Variants in INPP5A observed in about 807,000 individuals in gnomAD.
INPP5A encodes the protein 43 kDa inositol polyphosphate 5-phophatase.
Under a neutral mutation model 65.2 loss-of-function variants are expected in INPP5A, and 14 were observed. The observed-to-expected ratio is 0.21, with a 90% CI of 0.14 to 0.34. The LOEUF (loss-of-function observed/expected upper bound fraction) is 0.34, where lower values mean the gene tolerates loss of function less well. Among genes scored for constraint, INPP5A ranks in the 10% least tolerant of loss-of-function variants. The pLI, the probability that INPP5A is intolerant of heterozygous loss-of-function variation, is 1.00. For missense variants in INPP5A, 431 were observed against 545.6 expected (o/e 0.79, Z 2.09); for synonymous variants, 207 against 208.3 (o/e 0.99, Z 0.05).
At chr10:132,589,341 G>A (rs1306146053) in intron 1 of INPP5A, among the ~76,000 whole-genome samples, 1 of 152,246 alleles carries the variant, frequency 6.6e-6, no homozygotes, top group South Asian at 2.1e-4. Flanking sequence ...CTTGCTGTGC[G>A]GGTTCTTGAG....
At chr10:132,629,789 C>T (rs1293407332) in intron 2 of INPP5A, among the ~76,000 whole-genome samples, 13 of 152,100 alleles carry the variant, frequency 8.5e-5, no homozygotes, top group Admixed American at 7.9e-4. Context: ...GGAAGGCATC[C>T]ATGAGGGAGG....
Position 132,598,267 on chromosome 10 carries a change from T to C in INPP5A, c.76-9648T>C, listed in dbSNP as rs1049615731. 3.3e-5 allele frequency among the ~76,000 whole-genome samples: 5 copies of C among 152,236 alleles called. No individual in the cohort carries two copies. The South Asian group carries it at 8.3e-4, about 25-fold the overall frequency. ...TAAAATGGGTATAAAATTTTCCATC[T>C]TAACCATGTTTAAGGGTGCAATTCA... On this transcript the variant is annotated intron_variant, in intron 1 of 15. Coordinates refer to ENST00000368594, the MANE Select transcript of INPP5A (RefSeq NM_005539.5).
chr10:132,614,950 C>T (rs1590869707), intron 2 of INPP5A, among the ~76,000 whole-genome samples: 1 of 152,276 alleles, frequency 6.6e-6, no homozygotes, highest in East Asian at 1.9e-4. Flanking sequence ...GTGGAGCACA[C>T]GTCTGTGGCG....
intron 2 of INPP5A, among the ~76,000 whole-genome samples, chr10:132,624,180 G>A (rs941559828): frequency 6.7e-6 from 1 of 148,736 alleles, no homozygotes; most frequent in South Asian, 2.2e-4. Flanking sequence ...ACATGATGGC[G>A]CCTGTTTGCA....
At chr10:132,696,688 G>A (rs143002976) in intron 5 of INPP5A, among the ~76,000 whole-genome samples, 3 of 152,280 alleles carry the variant, frequency 2.0e-5, no homozygotes, top group East Asian at 3.9e-4. Flanking sequence ...TCTATTTCAC[G>A]TTCTGTCCAT....
At chr10:132,703,142 CT>C (rs1486387539) in intron 6 of INPP5A, among the ~76,000 whole-genome samples, 1 of 152,158 alleles carries the variant, frequency 6.6e-6, no homozygotes, top group Non-Finnish European at 1.5e-5. Context: ...GCGGTCACCC[CT>C]GTGACTTGGT....
At chr10:132,683,419 C>T (rs1366375724) in intron 4 of INPP5A, among the ~76,000 whole-genome samples, 2 of 152,228 alleles carry the variant, frequency 1.3e-5, no homozygotes, top group Non-Finnish European at 2.9e-5. Context: ...GTGGAGGGCA[C>T]GTGTCTGCGG....
rs1304211009 is a variant in INPP5A at position 132,635,293 on chromosome 10, C to T, written c.118-10575C>T. ...TTCTGTTTGTACACTGGTTTTTGTA[C>T]CCTTTTCCCCTCATTCCTGCTGTCT... On this transcript the variant is annotated intron_variant, in intron 2 of 15. Coordinates refer to ENST00000368594, the MANE Select transcript of INPP5A (RefSeq NM_005539.5). Among the ~76,000 whole-genome samples the T allele has an allele frequency of 2.0e-5, 3 of 151,364 alleles. No homozygotes were observed. The South Asian group carries it at 6.3e-4, about 32-fold the overall frequency.
At chr10:132,624,518 A>C (rs2072154152) in intron 2 of INPP5A, among the ~76,000 whole-genome samples, 1 of 144,812 alleles carries the variant, frequency 6.9e-6, no homozygotes, top group Non-Finnish European at 1.5e-5. Context: ...CTGCACTTCC[A>C]CCGGCGTGTC....
At position 132,759,651 on chromosome 10, in the gene INPP5A, G is replaced by C. The variant is rs562878850; in HGVS notation, c.904-6122G>C. Among the ~76,000 whole-genome samples, 4 of 152,216 alleles carry C rather than the reference G, an allele frequency of 2.6e-5. No homozygotes were observed. In the East Asian group the frequency reaches 7.7e-4, roughly 29 times the overall value. On this transcript the variant is annotated intron_variant, in intron 11 of 15. Transcript: ENST00000368594. ...CGAAGCTCTCGGGAAGGGAGGTGGT[G>C]GGGGGCTCTCGGGGGTCCGGCTACA...
intron 9 of INPP5A, among the ~76,000 whole-genome samples, chr10:132,747,778 G>T (rs2134632978): frequency 6.6e-6 from 1 of 152,346 alleles, no homozygotes; most frequent in South Asian, 2.1e-4. Flanking sequence ...GCCAGGTGCA[G>T]CTGCTCACAC....
chr10:132,606,202 A>G (rs1179250569), intron 1 of INPP5A, among the ~76,000 whole-genome samples: 2 of 151,808 alleles, frequency 1.3e-5, no homozygotes, highest in Non-Finnish European at 2.9e-5. Context: ...AGCTGGGGCC[A>G]AGGGAGGCTG....
intron 8 of INPP5A, among the ~76,000 whole-genome samples, chr10:132,719,053 C>T (rs866468270): frequency 7.5e-5 from 11 of 146,552 alleles, no homozygotes; most frequent in Admixed American, 7.5e-4. Context: ...TCTGTCTGGG[C>T]GCCTTAGACG....
intron 1 of INPP5A, among the ~76,000 whole-genome samples, chr10:132,598,970 A>G (rs1356506697): frequency 6.6e-6 from 1 of 152,168 alleles, no homozygotes; most frequent in Non-Finnish European, 1.5e-5. Context: ...CCCATGATTC[A>G]ATTACCTCCC....
chr10:132,698,020 A>C lies in INPP5A; in HGVS notation c.474+101A>C, dbSNP rs1285890389. On this transcript the variant is annotated intron_variant, in intron 6 of 15. Coordinates refer to ENST00000368594, the MANE Select transcript of INPP5A (RefSeq NM_005539.5). This position sits in a 1 kb window ranked among gnomAD's most constrained non-coding sequence, Gnocchi z 5.5. ...TTTTCGCATTGCACTGTTACTAGTCACAGCTGCCTGTTGTTACCTCCGATA... is the reference window on the plus strand; with the variant it reads ...TTTTCGCATTGCACTGTTACTAGTCCCAGCTGCCTGTTGTTACCTCCGATA... 1.3e-6 allele frequency: 1 copy of C among 754,170 alleles called. No individual in the cohort carries two copies. Among genetic ancestry groups the C allele is most frequent in the African/African-American group, 1.7e-5 (1 of 57,994 alleles). 46.7% of individuals were successfully genotyped at this position (754,170 alleles called of 1,614,324 possible).
At chr10:132,641,115 A>G (rs1205158614) in intron 2 of INPP5A, among the ~76,000 whole-genome samples, 1 of 152,206 alleles carries the variant, frequency 6.6e-6, no homozygotes, top group South Asian at 2.1e-4. Flanking sequence ...TTCTAATTCT[A>G]CCATTTCTTT....
At chr10:132,593,880 C>T (rs941458090) in intron 1 of INPP5A, among the ~76,000 whole-genome samples, 1 of 152,140 alleles carries the variant, frequency 6.6e-6, no homozygotes, top group Admixed American at 6.5e-5. Flanking sequence ...GCAACTGTAA[C>T]TGGAATTCTT....
At chr10:132,626,192 C>T (rs1590876807) in intron 2 of INPP5A, among the ~76,000 whole-genome samples, 2 of 152,240 alleles carry the variant, frequency 1.3e-5, no homozygotes, top group African/African-American at 2.4e-5. Context: ...GCTGTCATCA[C>T]GAGCACTGGT....
In INPP5A at chr10:132,726,918, TTCCC is replaced by T; in HGVS notation, c.732+18_732+21del. The T allele has an allele frequency of 6.3e-7, 1 of 1,587,262 alleles. No individual in the cohort carries two copies. The highest frequency in any genetic ancestry group is 1.3e-5 in the African/African-American group (1 of 74,300). On this transcript the variant is annotated intron_variant, in intron 9 of 15. Coordinates refer to ENST00000368594, the MANE Select transcript of INPP5A (RefSeq NM_005539.5). ...GTCCGTCGTGGAGGTAGGCGCTGGC[TTCCC>T]TCCCGCCCTGGTCTCATGCCTTGCT...
Sources: gnomAD v4.1 joint callset for allele counts (sites outside exome capture counted in the v4.1 genomes callset) on GRCh38, gnomAD v4.1.1 for gene constraint, Gnocchi (gnomAD v3.1) non-coding constraint, MANE v1.5 for transcripts, NCBI Gene and HGNC (gene_info 2026-07-23, HGNC 2026-07-21) for gene names.